LRGUK: variants seen among roughly 807,000 people sequenced by gnomAD.
The protein encoded by LRGUK is leucine-rich repeat and guanylate kinase domain-containing protein.
In LRGUK, 65 loss-of-function variants were observed where a neutral mutation model predicts 76.0. That is an observed-to-expected ratio of 0.85 (90% CI 0.70 to 1.05). LRGUK has a LOEUF of 1.05. Ranked by LOEUF, LRGUK falls within the 50% of genes least tolerant of loss-of-function variation. LRGUK has a pLI of 0.00. For synonymous variants in LRGUK, 268 were observed against 265.6 expected (o/e 1.01, Z -0.09); for missense variants, 758 against 732.8 (o/e 1.03, Z -0.40).
intron 2 of LRGUK, among the ~76,000 whole-genome samples, chr7:134,138,744 C>T (rs1463314200): frequency 6.6e-6 from 1 of 152,184 alleles, no homozygotes; most frequent in Non-Finnish European, 1.5e-5. Context: ...TTCCACTCAA[C>T]CAAATTCCCC....
chr7:134,143,278 G>GTT, intron 4 of LRGUK, 116 bp downstream of exon 4: 1 of 657,732 alleles, frequency 1.5e-6, no homozygotes. Flanking sequence ...GGTAAGCAAT[G>GTT]TAAGTGTCTG....
chr7:134,258,823 T>C (rs1802649995), intron 19 of LRGUK, among the ~76,000 whole-genome samples: 1 of 152,076 alleles, frequency 6.6e-6, no homozygotes, highest in South Asian at 2.1e-4. Context: ...TAAATGAGAG[T>C]ATTGAGTCAG....
At chr7:134,184,776 T>A (rs1024179296) in intron 11 of LRGUK, among the ~76,000 whole-genome samples, 1 of 152,250 alleles carries the variant, frequency 6.6e-6, no homozygotes, top group African/African-American at 2.4e-5. Context: ...TAACTTTAAT[T>A]TTCCAAATGC....
At chr7:134,171,345 G>A (rs1426308867) in intron 7 of LRGUK, among the ~76,000 whole-genome samples, 9 of 151,424 alleles carry the variant, frequency 5.9e-5, no homozygotes, top group Admixed American at 5.3e-4. Context: ...ATGTGGCAGC[G>A]AAAAAAATTT....
chr7:134,200,700 G>A (rs938688363), intron 14 of LRGUK, among the ~76,000 whole-genome samples: 1 of 152,276 alleles, frequency 6.6e-6, no homozygotes, highest in African/African-American at 2.4e-5. Flanking sequence ...ATTAATAATA[G>A]TTTTTGGTCT....
At chr7:134,146,915 G>A (rs1797993286) in intron 4 of LRGUK, among the ~76,000 whole-genome samples, 1 of 151,894 alleles carries the variant, frequency 6.6e-6, no homozygotes, top group Non-Finnish European at 1.5e-5. Flanking sequence ...TGAATGCAGT[G>A]GTTCCAAAAC....
At chr7:134,252,176 C>CAAA (rs891622738) in intron 18 of LRGUK, among the ~76,000 whole-genome samples, 2 of 139,668 alleles carry the variant, frequency 1.4e-5, no homozygotes, top group African/African-American at 5.2e-5. Context: ...CTGTTTATAC[C>CAAA]AAAAAAAAAA....
At chr7:134,194,390 C>T (rs186556174) in intron 12 of LRGUK, among the ~76,000 whole-genome samples, 24 of 152,106 alleles carry the variant, frequency 1.6e-4, no homozygotes, top group South Asian at 6.2e-4. Context: ...TTGAAAACAG[C>T]GAGTCACAGA....
downstream of LRGUK, among the ~76,000 whole-genome samples, chr7:134,211,171 T>C (rs1162981009): frequency 1.3e-5 from 2 of 152,202 alleles, no homozygotes; most frequent in Non-Finnish European, 2.9e-5. Flanking sequence ...GTGCCTCTTC[T>C]GCTGTTGCCG....
intron 1 of LRGUK, among the ~76,000 whole-genome samples, chr7:134,136,317 T>A (rs1158698955): frequency 6.6e-6 from 1 of 152,208 alleles, no homozygotes; most frequent in Non-Finnish European, 1.5e-5. Flanking sequence ...ATGGAAATGA[T>A]CATCACCTTT....
chr7:134,197,341 G>C (rs1800539246), intron 13 of LRGUK, among the ~76,000 whole-genome samples: 1 of 152,114 alleles, frequency 6.6e-6, no homozygotes, highest in Non-Finnish European at 1.5e-5. Context: ...AATTACTATG[G>C]GGGGCAAGAC....
At chr7:134,271,946 A>G in the LRGUK span, among the ~76,000 whole-genome samples, 2 of 152,118 alleles carry the variant, frequency 1.3e-5, no homozygotes, top group Non-Finnish European at 2.9e-5. Flanking sequence ...CTATGCAGAT[A>G]GTATAATAAA....
At position 134,247,523 on chromosome 7, in the gene LRGUK, C is replaced by T. The variant is rs200850833; in HGVS notation, c.1984-33C>T. 2.3e-5 allele frequency: 34 copies of T among 1,460,588 alleles called. No homozygotes were observed. In the East Asian group the frequency reaches 7.5e-4, roughly 32 times the overall value. 90.5% of individuals were successfully genotyped at this position (1,460,588 alleles called of 1,614,324 possible). ...TTTAATCATCTGACATTTTTAACATCAATGCAATTTTCTAATGACATTTCT... is the reference window on the plus strand; with the variant it reads ...TTTAATCATCTGACATTTTTAACATTAATGCAATTTTCTAATGACATTTCT... On this transcript the variant is annotated intron_variant, in intron 16 of 19. Transcript: ENST00000285928.
intron 16 of LRGUK, among the ~76,000 whole-genome samples, chr7:134,247,124 A>C (rs868543025): frequency 6.6e-6 from 1 of 152,178 alleles, no homozygotes; most frequent in Non-Finnish European, 1.5e-5. Flanking sequence ...CCGCCCCCAT[A>C]AATTTTTCCT....
chr7:134,192,748 G>A (rs1472785904), intron 12 of LRGUK, among the ~76,000 whole-genome samples: 1 of 151,906 alleles, frequency 6.6e-6, no homozygotes, highest in Non-Finnish European at 1.5e-5. Flanking sequence ...CTTCTCCATG[G>A]CCCTTATTTT....
intron 11 of LRGUK, among the ~76,000 whole-genome samples, chr7:134,184,451 A>G (rs1799897498): frequency 6.6e-6 from 1 of 151,816 alleles, no homozygotes; most frequent in Non-Finnish European, 1.5e-5. Flanking sequence ...TTGTATTACT[A>G]GTAGAGAAGG....
chr7:134,178,933 A>AAAAAAAAAAAAAAAAAAAAACC (rs1228638281), intron 10 of LRGUK, among the ~76,000 whole-genome samples: 1 of 13,646 alleles, frequency 7.3e-5, no homozygotes, highest in African/African-American at 3.0e-4. Flanking sequence ...TCTCAAAAAA[A>AAAAAAAAAAAAAAAAAAAAACC]AAAAAAAAAA....
At chr7:134,158,257 A>G in intron 6 of LRGUK, 98 bp downstream of exon 6, 1 of 1,087,024 alleles carries the variant, frequency 9.2e-7, no homozygotes, top group East Asian at 2.6e-5. Flanking sequence ...ATATAAAGAG[A>G]AAATTCCTTC....
At chr7:134,188,739 C>A in intron 11 of LRGUK, among the ~76,000 whole-genome samples, 1 of 152,094 alleles carries the variant, frequency 6.6e-6, no homozygotes, top group East Asian at 1.9e-4. Flanking sequence ...TTGTGGCTAC[C>A]CATTGATAGA....
Sources: allele counts gnomAD v4.1 joint callset (sites outside exome capture counted in the v4.1 genomes callset), GRCh38; gene constraint gnomAD v4.1.1; transcripts MANE v1.5; gene names NCBI Gene and HGNC (gene_info 2026-07-23, HGNC 2026-07-21).